The following DIP2C variants were observed in gnomAD, a reference collection of about 807,000 sequenced individuals.
DIP2C encodes the protein disco-interacting protein 2 homolog C.
DIP2C carries 33 observed loss-of-function variants against 192.4 expected under a neutral mutation model. That is an observed-to-expected ratio of 0.17 (90% CI 0.13 to 0.23). DIP2C has a LOEUF of 0.23. Ranked by LOEUF, DIP2C falls within the 10% of genes least tolerant of loss-of-function variation. The probability of loss-of-function intolerance (pLI) is 1.00; values close to 1 mark genes in which losing one functional copy is unlikely to be tolerated. For missense variants in DIP2C, 1,537 were observed against 2,110.1 expected (o/e 0.73, Z 5.32); for synonymous variants, 979 against 864.1 (o/e 1.13, Z -2.33).
chr10:535,538 A>AC (rs1847649473), intron 1 of DIP2C, among the ~76,000 whole-genome samples: 1 of 151,642 alleles, frequency 6.6e-6, no homozygotes, highest in Non-Finnish European at 1.5e-5. Flanking sequence ...TACCTATTTT[A>AC]CCTTAAGCTA....
intron 14 of DIP2C, among the ~76,000 whole-genome samples, chr10:387,524 A>C (rs1963060736): frequency 1.3e-5 from 1 of 77,736 alleles, no homozygotes; most frequent in East Asian, 4.0e-4. Flanking sequence ...GTGGACAGAC[A>C]GTGAGGGGAG....
intron 4 of DIP2C, among the ~76,000 whole-genome samples, chr10:425,096 T>C (rs1589766577): frequency 2.8e-5 from 1 of 35,980 alleles, no homozygotes; most frequent in Non-Finnish European, 5.0e-5. Context: ...GTGACTAATA[T>C]GACACGGATG....
intron 1 of DIP2C, among the ~76,000 whole-genome samples, chr10:571,066 C>T (rs1007614947): frequency 1.2e-4 from 18 of 152,214 alleles, no homozygotes; most frequent in African/African-American, 4.1e-4. Flanking sequence ...GAGAGTGGTG[C>T]CCCCACAATT....
At chr10:565,920 G>A (rs921871863) in intron 1 of DIP2C, among the ~76,000 whole-genome samples, 4 of 152,150 alleles carry the variant, frequency 2.6e-5, no homozygotes, top group East Asian at 1.9e-4. Flanking sequence ...GTGGGCTCCC[G>A]GCTTTGATTT....
chr10:433,646 A>T (rs1269267805), intron 4 of DIP2C, among the ~76,000 whole-genome samples: 1 of 152,204 alleles, frequency 6.6e-6, no homozygotes, highest in Non-Finnish European at 1.5e-5. Context: ...GGGCTATTGC[A>T]CTCCAGCCTG....
Position 277,117 on chromosome 10 carries a change from C to T in DIP2C, c.*208G>A, listed in dbSNP as rs1222238950. ...CTGAAGGCAGTAATCCAAAGTCCTT[C>T]TGAGCGAAATTCAGTGGTAAATTCA... On this transcript the variant is annotated 3_prime_UTR_variant, in exon 37 of 37. Transcript: ENST00000280886. The T allele has an allele frequency of 1.6e-6, 1 of 635,764 alleles. No homozygotes were observed. The highest frequency in any genetic ancestry group is 2.5e-6 in the Non-Finnish European group (1 of 403,912). The allele number at this position is 635,764 out of a possible 1,614,324, so 39.4% of individuals were successfully genotyped here.
intron 1 of DIP2C, among the ~76,000 whole-genome samples, chr10:496,962 A>G (rs1203952918): frequency 2.0e-5 from 3 of 152,262 alleles, no homozygotes; most frequent in Non-Finnish European, 4.4e-5. Flanking sequence ...ATCTCTAGTA[A>G]AAATACAAAA....
At chr10:353,356 G>T (rs974111048) in intron 24 of DIP2C, among the ~76,000 whole-genome samples, 6 of 152,102 alleles carry the variant, frequency 3.9e-5, no homozygotes, top group Admixed American at 1.3e-4. Context: ...AGTTAAAAAA[G>T]GTCAAAAGAG....
chr10:433,416 C>T (rs1368821954), intron 4 of DIP2C, among the ~76,000 whole-genome samples: 1 of 152,162 alleles, frequency 6.6e-6, no homozygotes, highest in East Asian at 1.9e-4. Flanking sequence ...GTGGCTCATG[C>T]CTGTAATCCC....
intron 6 of DIP2C, among the ~76,000 whole-genome samples, chr10:417,708 TCAAA>T (rs1965778902): frequency 7.0e-5 from 6 of 85,970 alleles, no homozygotes; most frequent in African/African-American, 2.3e-4. Context: ...GCCTGTCGGC[TCAAA>T]TAGGCCTCCC....
In DIP2C at chr10:340,883, A is replaced by AC. The variant is rs533658260; in HGVS notation, c.3584+315dup. 385 of 478,750 alleles carry AC rather than the reference A, an allele frequency of 8.0e-4. 4 individuals carry two copies. The highest frequency in any genetic ancestry group is 5.8e-3 in the South Asian group (373 of 64,780). The allele number at this position is 478,750 out of a possible 1,614,324, so 29.7% of individuals were successfully genotyped here. On this transcript the variant is annotated intron_variant, in intron 29 of 36. Coordinates refer to ENST00000280886, the MANE Select transcript of DIP2C (RefSeq NM_014974.3). ...GGCCCAGCGAGAACCCAGGCCCAGC[A>AC]CCATCGCCAGGTTTTACAGGCATAA...
intron 3 of DIP2C, among the ~76,000 whole-genome samples, chr10:463,842 C>A (rs937990451): frequency 3.3e-5 from 5 of 152,108 alleles, no homozygotes; most frequent in Non-Finnish European, 7.4e-5. Flanking sequence ...GAACACCACA[C>A]ATCTACAACC....
intron 1 of DIP2C, among the ~76,000 whole-genome samples, chr10:599,293 C>T (rs545610744): frequency 6.6e-6 from 1 of 152,198 alleles, no homozygotes; most frequent in African/African-American, 2.4e-5. Context: ...CATTTAAATA[C>T]CCGGCAAAAA....
At chr10:498,802 G>GA (rs1845031715) in intron 1 of DIP2C, among the ~76,000 whole-genome samples, 3 of 152,166 alleles carry the variant, frequency 2.0e-5, no homozygotes, top group South Asian at 4.1e-4. Context: ...CCCCAGGCCT[G>GA]AAAAAAGCTA....
intron 1 of DIP2C, among the ~76,000 whole-genome samples, chr10:556,660 G>A (rs1244562540): frequency 1.3e-5 from 2 of 151,962 alleles, no homozygotes; most frequent in Non-Finnish European, 2.9e-5. Flanking sequence ...ACTGGGGCCT[G>A]GCCCTGCATC....
chr10:518,470 G>A (rs780235422), intron 1 of DIP2C, among the ~76,000 whole-genome samples: 9 of 152,316 alleles, frequency 5.9e-5, no homozygotes, highest in Non-Finnish European at 8.8e-5. Context: ...CACCCCCAAC[G>A]TGACAGTGTC....
At chr10:582,011 C>G (rs150639604) in intron 1 of DIP2C, among the ~76,000 whole-genome samples, 1 of 152,098 alleles carries the variant, frequency 6.6e-6, no homozygotes, top group Non-Finnish European at 1.5e-5. Flanking sequence ...AGATCCCTCA[C>G]GCACAGTTTA....
At chr10:468,214 C>T (rs1054179228) in intron 3 of DIP2C, among the ~76,000 whole-genome samples, 1 of 152,140 alleles carries the variant, frequency 6.6e-6, no homozygotes, top group Non-Finnish European at 1.5e-5. Context: ...AGCATATACT[C>T]TAAGTAAATT....
chr10:384,919 C>T (rs193076554), intron 14 of DIP2C, among the ~76,000 whole-genome samples: 21 of 152,082 alleles, frequency 1.4e-4, no homozygotes, highest in Non-Finnish European at 2.4e-4. Context: ...TCTCAGGGAG[C>T]GCCGCGGACA....
Sources: allele counts gnomAD v4.1 joint callset (sites outside exome capture counted in the v4.1 genomes callset), GRCh38; gene constraint gnomAD v4.1.1; transcripts MANE v1.5; gene names NCBI Gene and HGNC (gene_info 2026-07-23, HGNC 2026-07-21).